THEMIS: variants seen among roughly 807,000 people sequenced by gnomAD.
THEMIS encodes thymocyte selection associated.
THEMIS carries 37 observed loss-of-function variants against 52.6 expected under a neutral mutation model. The ratio of observed to expected loss-of-function variants is 0.70; its 90% CI spans 0.54 to 0.93. The LOEUF (loss-of-function observed/expected upper bound fraction) is 0.93, where lower values mean the gene tolerates loss of function less well. Ranked by LOEUF, THEMIS falls within the 40% of genes least tolerant of loss-of-function variation. The pLI, the probability that THEMIS is intolerant of heterozygous loss-of-function variation, is 0.00. For synonymous variants in THEMIS, 292 were observed against 272.7 expected, an observed-to-expected ratio of 1.07 and a Z score of -0.70; for missense variants, 808 against 763.1, an observed-to-expected ratio of 1.06 and a Z score of -0.69.
intron 2 of THEMIS, among the ~76,000 whole-genome samples, chr6:127,837,414 T>C (rs893781012): frequency 4.6e-5 from 7 of 152,114 alleles, no homozygotes; most frequent in African/African-American, 1.7e-4. Context: ...TTATGTGCCA[T>C]GGTCTGTCGT....
At chr6:127,732,072 G>T (rs1774829345) in intron 4 of THEMIS, among the ~76,000 whole-genome samples, 1 of 150,512 alleles carries the variant, frequency 6.6e-6, no homozygotes, top group Non-Finnish European at 1.5e-5. Flanking sequence ...CGCAGTATTG[G>T]ATTGAGTATA....
chr6:127,836,026 C>T (rs1242083141), intron 2 of THEMIS, among the ~76,000 whole-genome samples: 1 of 152,150 alleles, frequency 6.6e-6, no homozygotes, highest in Admixed American at 6.5e-5. Context: ...ACATTATACA[C>T]AGTTACTGAA....
In THEMIS at chr6:127,724,552, C is replaced by T. The variant is rs150413631; in HGVS notation, c.1759-4729G>A. Among the ~76,000 whole-genome samples, 26 of 152,180 alleles carry T rather than the reference C, an allele frequency of 1.7e-4. 1 individual carries two copies. The East Asian group carries it at 4.5e-3, about 26-fold the overall frequency. On this transcript the variant is annotated intron_variant, in intron 4 of 5. Transcript: ENST00000368248. ...AGGAACATAGATAAATTTGAACTGC[C>T]ATGCATCAGTCCTCTGTGACCACGC...
chr6:127,770,721 T>C (rs7745108), intron 4 of THEMIS, among the ~76,000 whole-genome samples: 30,137 of 152,156 alleles, frequency 0.2, 3,777 homozygotes, highest in East Asian at 0.56. Flanking sequence ...TGGTATTGCC[T>C]AGGTTTTCTT....
intron 1 of THEMIS, among the ~76,000 whole-genome samples, chr6:127,913,701 T>C (rs927456259): frequency 6.6e-6 from 1 of 152,254 alleles, no homozygotes; most frequent in Non-Finnish European, 1.5e-5. Flanking sequence ...AAAGCATTAT[T>C]TAATCTGTAT....
rs148442637 is a variant in THEMIS at position 127,863,673 on chromosome 6, A to G, written c.92-8485T>C. Among the ~76,000 whole-genome samples, 79 of 152,312 alleles carry G rather than the reference A, an allele frequency of 5.2e-4. No homozygotes were observed. In the East Asian group the frequency reaches 0.014, roughly 27 times the overall value. On this transcript the variant is annotated intron_variant, in intron 1 of 5. Transcript: ENST00000368248. ...CGGAACCACAACTTACATGGATGTG[A>G]ATGGCATCCTTGGAGTTGTGGAACA... is the stretch of plus-strand genomic sequence containing the variant.
chr6:127,877,392 T>C (rs770625743), intron 1 of THEMIS, among the ~76,000 whole-genome samples: 2 of 152,244 alleles, frequency 1.3e-5, no homozygotes, highest in African/African-American at 2.4e-5. Context: ...TTAGCCTATA[T>C]TGGCTTTTGA....
chr6:127,908,434 TGAG>T (rs1232552895), intron 1 of THEMIS, among the ~76,000 whole-genome samples: 1 of 152,136 alleles, frequency 6.6e-6, no homozygotes, highest in East Asian at 1.9e-4. Flanking sequence ...CTGCTCACCA[TGAG>T]GAGACTTGAC....
At chr6:127,861,903 G>C (rs1373212408) in intron 1 of THEMIS, among the ~76,000 whole-genome samples, 3 of 151,516 alleles carry the variant, frequency 2.0e-5, no homozygotes, top group Admixed American at 2.0e-4. Flanking sequence ...AATTGAAATT[G>C]TGCTTATATT....
intron 1 of THEMIS, among the ~76,000 whole-genome samples, chr6:127,883,382 T>C (rs1780546275): frequency 6.6e-6 from 1 of 151,380 alleles, no homozygotes; most frequent in African/African-American, 2.4e-5. Flanking sequence ...CTTCAAGGGC[T>C]AAATATCTTT....
At chr6:127,848,471 C>G (rs1429223655) in intron 2 of THEMIS, among the ~76,000 whole-genome samples, 1 of 151,882 alleles carries the variant, frequency 6.6e-6, no homozygotes, top group Non-Finnish European at 1.5e-5. Context: ...AATGGTATTT[C>G]TAGTTCTAGA....
At chr6:127,801,731 G>T (rs1777542928) in intron 4 of THEMIS, among the ~76,000 whole-genome samples, 1 of 152,132 alleles carries the variant, frequency 6.6e-6, no homozygotes, top group African/African-American at 2.4e-5. Flanking sequence ...TGAGGCGGTT[G>T]CCAGGCAAGA....
At chr6:127,834,784 G>A (rs1778820007) in intron 2 of THEMIS, among the ~76,000 whole-genome samples, 1 of 152,098 alleles carries the variant, frequency 6.6e-6, no homozygotes, top group South Asian at 2.1e-4. Flanking sequence ...CTTGAAAGGA[G>A]TGACTGCAAA....
Position 127,823,818 on chromosome 6 carries a change from C to T in THEMIS, c.709+5658G>A, listed in dbSNP as rs570371166. 1.3e-4 allele frequency among the ~76,000 whole-genome samples: 19 copies of T among 151,988 alleles called. No homozygotes were observed. In the East Asian group the frequency reaches 3.1e-3, roughly 25 times the overall value. ...CAATCCTTTCTCCCATCAAATTTAC[C>T]ACAGGGGTAAGAAGTCAAAAAAGAA... is the stretch of plus-strand genomic sequence containing the variant. On this transcript the variant is annotated intron_variant, in intron 3 of 5. Coordinates refer to ENST00000368248, the MANE Select transcript of THEMIS (RefSeq NM_001010923.3).
chr6:127,892,956 TTTTG>T (rs1317994563), intron 1 of THEMIS, among the ~76,000 whole-genome samples: 1 of 152,166 alleles, frequency 6.6e-6, no homozygotes, highest in Non-Finnish European at 1.5e-5. Context: ...TTATATTCAC[TTTTG>T]TTTATTGTTA....
At chr6:127,894,235 CT>C (rs34118301) in intron 1 of THEMIS, among the ~76,000 whole-genome samples, 2 of 151,758 alleles carry the variant, frequency 1.3e-5, no homozygotes, top group African/African-American at 2.4e-5. Flanking sequence ...ACAAAGCATA[CT>C]TTTTTTTAGC....
chr6:127,843,944 G>T (rs914077524), intron 2 of THEMIS, among the ~76,000 whole-genome samples: 1 of 152,020 alleles, frequency 6.6e-6, no homozygotes, highest in Middle Eastern at 3.4e-3. Flanking sequence ...CCCTGCCTAC[G>T]GCTTCACTGC....
chr6:127,869,292 C>T (rs576350595), intron 1 of THEMIS, among the ~76,000 whole-genome samples: 2 of 152,222 alleles, frequency 1.3e-5, no homozygotes, highest in South Asian at 4.1e-4. Flanking sequence ...GCCTAAACTA[C>T]CTTAGACATG....
chr6:127,780,844 C>T (rs972152638), intron 4 of THEMIS, among the ~76,000 whole-genome samples: 1 of 152,062 alleles, frequency 6.6e-6, no homozygotes, highest in African/African-American at 2.4e-5. Flanking sequence ...TCATTTCAAC[C>T]TTGGCGAATC....
Sources: gnomAD v4.1 joint callset for allele counts (sites outside exome capture counted in the v4.1 genomes callset) on GRCh38, gnomAD v4.1.1 for gene constraint, MANE v1.5 for transcripts, NCBI Gene and HGNC (gene_info 2026-07-23, HGNC 2026-07-21) for gene names.